Variants in HIVEP1 observed in about 807,000 individuals in gnomAD.
HIVEP1 encodes the protein zinc finger protein 40.
Under a neutral mutation model 180.0 loss-of-function variants are expected in HIVEP1, and 36 were observed. The observed-to-expected ratio is 0.20, with a 90% confidence interval of 0.15 to 0.26. The LOEUF (loss-of-function observed/expected upper bound fraction) is 0.26, where lower values mean the gene tolerates loss of function less well. HIVEP1 is among the 10% of genes least tolerant of loss of function. The probability of loss-of-function intolerance (pLI) is 1.00; values close to 1 mark genes in which losing one functional copy is unlikely to be tolerated. For missense variants in HIVEP1, 3,143 were observed against 3,268.7 expected (o/e 0.96, Z 0.94); for synonymous variants, 1,239 against 1,239.0 (o/e 1.00, Z 0.00).
intron 1 of HIVEP1, among the ~76,000 whole-genome samples, chr6:12,013,245 G>C (rs899950004): frequency 6.6e-6 from 1 of 152,176 alleles, no homozygotes; most frequent in African/African-American, 2.4e-5. Flanking sequence ...GCTTTGTTCA[G>C]TGCAGCGTTG....
Position 12,122,352 on chromosome 6 carries a change from A to C in HIVEP1, c.2557A>C (p.Asn853His). ...CACAGGTTATTCAGCAGTACCTGCAAATATAATACCTCCTCCTCATCCACT... is the reference window on the plus strand; with the variant it reads ...CACAGGTTATTCAGCAGTACCTGCACATATAATACCTCCTCCTCATCCACT... Reference protein sequence around the residue: ...PTTGYSAVPANIIPPPHPLRG... With the variant: ...PTTGYSAVPAHIIPPPHPLRG... Residue 853 changes from asparagine to histidine, a missense_variant, in exon 4 of 9, where the codon AAT becomes CAT. Around this residue, in one of 12 missense-constraint regions of HIVEP1, gnomAD observed 204 missense variants for 243.7 expected, o/e 0.84. Transcript: ENST00000379388. The C allele has an allele frequency of 6.2e-7, 1 of 1,614,254 alleles. No homozygotes were observed. Among genetic ancestry groups the C allele is most frequent in the Non-Finnish European group, 8.5e-7 (1 of 1,180,038 alleles).
chr6:12,078,508 C>G (rs889526095), intron 2 of HIVEP1, among the ~76,000 whole-genome samples: 1 of 151,218 alleles, frequency 6.6e-6, no homozygotes, highest in South Asian at 2.1e-4. Context: ...GGGAGCGGCT[C>G]GGATTTGGAG....
At chr6:12,143,320 C>T (rs1008727476) in intron 7 of HIVEP1, among the ~76,000 whole-genome samples, 1 of 152,216 alleles carries the variant, frequency 6.6e-6, no homozygotes, top group South Asian at 2.1e-4. Flanking sequence ...AAAAGGCTTT[C>T]AACAAAATTC....
intron 3 of HIVEP1, among the ~76,000 whole-genome samples, chr6:12,107,921 C>G (rs550436277): frequency 1.3e-5 from 2 of 152,126 alleles, no homozygotes; most frequent in African/African-American, 4.8e-5. Context: ...AGGTTCTCCA[C>G]GTCCCCACCA....
rs187291728 is a variant in HIVEP1 at position 12,120,047 on chromosome 6, C to T, written c.252C>T (p.Phe84=). The change falls in exon 4 of 9, where the codon TTC becomes TTT. Residue 84 remains phenylalanine (F), a synonymous_variant. Transcript: ENST00000379388. ...KHKQNTEESS[F]AVLHSASESH... ...AACAAAATACAGAAGAGTCATCTTTCGCCGTTCTTCATAGTGCTTCGGAGT... is the reference window on the plus strand; with the variant it reads ...AACAAAATACAGAAGAGTCATCTTTTGCCGTTCTTCATAGTGCTTCGGAGT... 44 of 1,612,976 alleles carry T rather than the reference C, an allele frequency of 2.7e-5. No individual in the cohort carries two copies. The highest frequency in any genetic ancestry group is 1.3e-4 in the East Asian group (6 of 44,872).
At chr6:12,100,046 A>G (rs1189124950) in intron 3 of HIVEP1, among the ~76,000 whole-genome samples, 3 of 152,222 alleles carry the variant, frequency 2.0e-5, no homozygotes, top group Non-Finnish European at 4.4e-5. Context: ...TTATTTTGTG[A>G]TATCATAACA....
intron 2 of HIVEP1, among the ~76,000 whole-genome samples, chr6:12,043,160 C>T (rs1351532717): frequency 6.6e-6 from 1 of 152,104 alleles, no homozygotes; most frequent in African/African-American, 2.4e-5. Context: ...AGTTTGCCTT[C>T]ACTGTACTTT....
intron 2 of HIVEP1, among the ~76,000 whole-genome samples, chr6:12,023,065 C>T (rs957337883): frequency 2.0e-5 from 3 of 152,170 alleles, no homozygotes; most frequent in East Asian, 3.8e-4. Flanking sequence ...ATGTCGGTGT[C>T]ACAGATCACG....
At chr6:12,050,863 T>C (rs1049363620) in intron 2 of HIVEP1, among the ~76,000 whole-genome samples, 11 of 151,478 alleles carry the variant, frequency 7.3e-5, no homozygotes, top group African/African-American at 2.7e-4. Flanking sequence ...GTTCTATTGA[T>C]GAAGGTAGAA....
At position 12,121,103 on chromosome 6, in the gene HIVEP1, T is replaced by C. The variant is rs2113510674; in HGVS notation, c.1308T>C (p.Cys436=). Residue 436 remains cysteine, a synonymous_variant, in exon 4 of 9, where the codon TGT becomes TGC. Transcript: ENST00000379388. The surrounding 1 kb of genome is among the most constrained non-coding windows in gnomAD (Gnocchi z 5.3). ...ACACTGGAGAGCGACCCTATCCCTG[T>C]GTGACTTGTGGATTTTCATTTAAGA... ...RSHTGERPYP[C]VTCGFSFKTK... 1 of 1,614,230 alleles carries C rather than the reference T, an allele frequency of 6.2e-7. No individual in the cohort carries two copies. The highest frequency in any genetic ancestry group is 2.2e-5 in the East Asian group (1 of 44,884).
At chr6:12,199,697 G>A in the HIVEP1 span, among the ~76,000 whole-genome samples, 1 of 152,120 alleles carries the variant, frequency 6.6e-6, no homozygotes. Flanking sequence ...TACCTAGTAT[G>A]AGACAATTTG....
intron 7 of HIVEP1, among the ~76,000 whole-genome samples, chr6:12,149,657 T>C (rs985988906): frequency 1.3e-5 from 2 of 152,226 alleles, no homozygotes; most frequent in African/African-American, 4.8e-5. Context: ...GTTTTGTTTT[T>C]CACTAAAGGT....
At chr6:12,144,685 A>G (rs1759259571) in intron 7 of HIVEP1, among the ~76,000 whole-genome samples, 1 of 152,228 alleles carries the variant, frequency 6.6e-6, no homozygotes, top group Non-Finnish European at 1.5e-5. Context: ...AAGAAAAAAA[A>G]CAACCCCATC....
chr6:12,129,917 A>G (rs774274276), intron 5 of HIVEP1, 25 bp downstream of exon 5: 5 of 1,467,518 alleles, frequency 3.4e-6, no homozygotes, highest in Non-Finnish European at 4.7e-6. Context: ...TACTTCTTAA[A>G]TGTACATTTA....
intron 3 of HIVEP1, among the ~76,000 whole-genome samples, chr6:12,090,321 A>G (rs1773386047): frequency 6.6e-6 from 1 of 152,162 alleles, no homozygotes; most frequent in Non-Finnish European, 1.5e-5. Flanking sequence ...TTAGCTAAAT[A>G]GGATTCCAGT....
At chr6:12,017,664 G>C (rs934874308) in intron 2 of HIVEP1, among the ~76,000 whole-genome samples, 2 of 152,202 alleles carry the variant, frequency 1.3e-5, no homozygotes, top group Non-Finnish European at 1.5e-5. Context: ...TTTTGACAGG[G>C]TGCTGATTGG....
intron 3 of HIVEP1, among the ~76,000 whole-genome samples, chr6:12,090,053 A>G (rs1375299059): frequency 6.6e-6 from 1 of 152,120 alleles, no homozygotes; most frequent in Non-Finnish European, 1.5e-5. Context: ...AAAGGAAAAA[A>G]TTGGTTTTCA....
chr6:12,123,324 A>G lies in HIVEP1; in HGVS notation c.3529A>G (p.Ile1177Val). 7 of 1,614,130 alleles carry G rather than the reference A, an allele frequency of 4.3e-6. No homozygotes were observed. The highest frequency in any genetic ancestry group is 5.9e-6 in the Non-Finnish European group (7 of 1,180,020). The change falls in exon 4 of 9, where the codon ATA becomes GTA. Residue 1177 changes from isoleucine to valine, a missense_variant. Ile to Val is a conservative substitution (Grantham distance 29). Coordinates refer to ENST00000379388, the MANE Select transcript of HIVEP1 (RefSeq NM_002114.4). ...GGGGAAGTCCGGGTCTCTAAAAGTG[A>G]TAGGAATCTCCCAAGAGGAAAGTCA... ...RTGKSGSLKV[I>V]GISQEESHPS...
At chr6:12,205,975 G>C in the HIVEP1 span, among the ~76,000 whole-genome samples, 3 of 152,158 alleles carry the variant, frequency 2.0e-5, no homozygotes, top group South Asian at 2.1e-4. Context: ...TATTGTGTCC[G>C]CCCCAAAATT....
Sources: gnomAD v4.1 joint callset for allele counts (sites outside exome capture counted in the v4.1 genomes callset) on GRCh38, gnomAD v4.1.1 for gene constraint, gnomAD v4.1.1 regional missense constraint, Gnocchi (gnomAD v3.1) non-coding constraint, MANE v1.5 for transcripts, NCBI Gene and HGNC (gene_info 2026-07-23, HGNC 2026-07-21) for gene names.